Variants in HMMR observed in about 807,000 individuals in gnomAD.
The protein encoded by HMMR is hyaluronan mediated motility receptor.
In HMMR, 108 loss-of-function variants were observed where a neutral mutation model predicts 101.0. The observed-to-expected ratio is 1.07, with a 90% CI of 0.92 to 1.25. HMMR has a LOEUF of 1.25. Among genes scored for constraint, HMMR ranks in the 50% most tolerant of loss-of-function variants. HMMR has a pLI of 0.00. For synonymous variants in HMMR, 296 were observed against 276.4 expected (o/e 1.07, Z -0.70); for missense variants, 813 against 788.7 (o/e 1.03, Z -0.37).
chr5:163,480,812 C>T (rs1337227871), intron 12 of HMMR, among the ~76,000 whole-genome samples: 1 of 151,988 alleles, frequency 6.6e-6, no homozygotes, highest in Non-Finnish European at 1.5e-5. Flanking sequence ...ATCATCTTTT[C>T]CTCATTGATT....
At chr5:163,479,857 C>T (rs1478302942) in intron 12 of HMMR, among the ~76,000 whole-genome samples, 3 of 152,064 alleles carry the variant, frequency 2.0e-5, no homozygotes, top group African/African-American at 7.2e-5. Flanking sequence ...TTCCTCACCT[C>T]CCATGCCTTC....
At chr5:163,470,597 G>A (rs1436309170) in intron 5 of HMMR, among the ~76,000 whole-genome samples, 2 of 152,186 alleles carry the variant, frequency 1.3e-5, no homozygotes, top group African/African-American at 4.8e-5. Flanking sequence ...GGAAGTTGCA[G>A]TGAGCAACAC....
At chr5:163,481,624 C>G (rs1358022652) in intron 12 of HMMR, among the ~76,000 whole-genome samples, 1 of 152,152 alleles carries the variant, frequency 6.6e-6, no homozygotes, top group Non-Finnish European at 1.5e-5. Flanking sequence ...TCAGTGACAT[C>G]ATCTTCCCAG....
In HMMR at chr5:163,475,654, T is replaced by G; in HGVS notation, c.1250T>G (p.Leu417Arg). 1 of 1,601,430 alleles carries G rather than the reference T, an allele frequency of 6.2e-7. No homozygotes were observed. Among genetic ancestry groups the G allele is most frequent in the East Asian group, 2.2e-5 (1 of 44,696 alleles). Residue 417 changes from leucine to arginine, a missense_variant, in exon 11 of 18, where the codon CTA (leucine) becomes CGA (arginine). Physicochemically the swap from Leu to Arg is moderately radical, Grantham distance 102. Coordinates refer to ENST00000393915, the MANE Select transcript of HMMR (RefSeq NM_001142556.2). ...AKSRAEELKL[L>R]EEKLKGKEAE... Reference sequence around the variant, plus strand: ...TCTAGAGCTGAAGAATTAAAACTCCTAGAAGAAAAGCTGAAAGGGTTTGTA... The same window carrying G: ...TCTAGAGCTGAAGAATTAAAACTCCGAGAAGAAAAGCTGAAAGGGTTTGTA...
intron 4 of HMMR, 34 bp downstream of exon 4, chr5:163,467,782 C>G: frequency 2.4e-6 from 3 of 1,253,980 alleles, no homozygotes; most frequent in Non-Finnish European, 3.5e-6. Context: ...GAAAAGTACA[C>G]ATGATAGAAA....
intron 15 of HMMR, 37 bp from the exon 16 acceptor site, chr5:163,484,032 T>C (rs759080227): frequency 7.8e-7 from 1 of 1,287,788 alleles, no homozygotes; most frequent in Non-Finnish European, 1.1e-6. Context: ...GATCAAACTG[T>C]TTTAAGTCTT....
intron 15 of HMMR, among the ~76,000 whole-genome samples, 167 bp downstream of exon 15, chr5:163,483,534 A>G (rs1407916914): frequency 1.3e-5 from 2 of 152,164 alleles, no homozygotes; most frequent in African/African-American, 4.8e-5. Context: ...TAAATTATGC[A>G]TAATTTTTTC....
intron 11 of HMMR, among the ~76,000 whole-genome samples, chr5:163,476,751 T>C (rs1759081032): frequency 6.6e-6 from 1 of 152,194 alleles, no homozygotes; most frequent in African/African-American, 2.4e-5. Context: ...AAATCTTGGC[T>C]GGGTGCGGTG....
intron 1 of HMMR, among the ~76,000 whole-genome samples, chr5:163,461,946 A>G (rs970515634): frequency 1.3e-5 from 2 of 152,176 alleles, no homozygotes; most frequent in African/African-American, 2.4e-5. Context: ...CTAAATATTA[A>G]AGCTCATGAT....
chr5:163,482,621 C>A, intron 12 of HMMR, 21 bp from the exon 13 acceptor site: 1 of 1,563,644 alleles, frequency 6.4e-7, no homozygotes, highest in Non-Finnish European at 8.8e-7. Flanking sequence ...ACTACTTTGA[C>A]TTTTTTTTCT....
At chr5:163,484,433 T>C (rs1019726846) in intron 16 of HMMR, among the ~76,000 whole-genome samples, 188 bp downstream of exon 16, 3 of 152,174 alleles carry the variant, frequency 2.0e-5, no homozygotes, top group Non-Finnish European at 4.4e-5. Context: ...TCTAAAGTTT[T>C]CTAGCTACCT....
chr5:163,479,203 A>G (rs1163355353), intron 12 of HMMR, among the ~76,000 whole-genome samples: 1 of 152,184 alleles, frequency 6.6e-6, no homozygotes, highest in African/African-American at 2.4e-5. Flanking sequence ...CTAAACCTAT[A>G]AAGAGACCCA....
In HMMR at chr5:163,490,470, A is replaced by C. The variant is rs758971682; in HGVS notation, c.2043A>C (p.Leu681=). Residue 681 remains leucine (L), a synonymous_variant, in exon 17 of 18, where the codon CTA becomes CTC. Transcript: ENST00000393915. ...TTCAAGAGGAATTGAATAAAGTTCT[A>C]GGTATCAAACACTTTGATCCTTCAA... ...TKLQEELNKV[L]GIKHFDPSKA... is the part of the protein sequence containing the mutation. The C allele has an allele frequency of 1.2e-6, 2 of 1,602,036 alleles. No homozygotes were observed. Among genetic ancestry groups the C allele is most frequent in the South Asian group, 2.3e-5 (2 of 88,262 alleles).
At chr5:163,463,332 A>G (rs1758599870) in intron 1 of HMMR, among the ~76,000 whole-genome samples, 1 of 152,208 alleles carries the variant, frequency 6.6e-6, no homozygotes, top group Admixed American at 6.5e-5. Context: ...AAAAAATTCT[A>G]GTTGCTCTAG....
At chr5:163,476,088 G>A (rs1759062186) in intron 11 of HMMR, among the ~76,000 whole-genome samples, 1 of 152,034 alleles carries the variant, frequency 6.6e-6, no homozygotes, top group Non-Finnish European at 1.5e-5. Context: ...CAAGGTGAGA[G>A]GACTGCTTGA....
At chr5:163,475,435 G>C (rs1306691149) in intron 10 of HMMR, 23 bp from the exon 11 acceptor site, 1 of 1,392,584 alleles carries the variant, frequency 7.2e-7, no homozygotes, top group Non-Finnish European at 1.0e-6. Context: ...AAATTATTTT[G>C]GTGGTTTTCT....
chr5:163,473,285 T>C (rs1561640245), intron 8 of HMMR, 32 bp downstream of exon 8: 1 of 1,488,528 alleles, frequency 6.7e-7, no homozygotes, highest in Non-Finnish European at 9.3e-7. Context: ...AATTGAACCT[T>C]ATTTTTTTAA....
rs1382210069 is a variant in HMMR at position 163,483,160 on chromosome 5, A to T, written c.1673A>T (p.Asp558Val). ...QEEDFRKQLE[D>V]EEGRKAEKEN... is the part of the protein sequence containing the mutation. ...GAAGACTTTAGAAAACAGCTGGAAG[A>T]TGAAGAAGGAAGGTAATCTATGATT... Residue 558 changes from aspartate (D) to valine (V), a missense_variant, in exon 14 of 18, where the codon GAT becomes GTT. By Grantham distance (152) the Asp-to-Val change is radical. Transcript: ENST00000393915. 6 of 1,610,834 alleles carry T rather than the reference A, an allele frequency of 3.7e-6. No individual in the cohort carries two copies. Among genetic ancestry groups the T allele is most frequent in the Non-Finnish European group, 5.1e-6 (6 of 1,179,098 alleles).
rs762594434 is a variant in HMMR at position 163,473,545 on chromosome 5, G to C, written c.892G>C (p.Glu298Gln). The change falls in exon 9 of 18, where the codon GAA becomes CAA. Residue 298 changes from glutamate to glutamine, a missense_variant. By Grantham distance (29) the Glu-to-Gln change is conservative (BLOSUM62 2). Coordinates refer to ENST00000393915, the MANE Select transcript of HMMR (RefSeq NM_001142556.2). ...TCTAAATGTGAAATGTCAGCTGCTT[G>C]AAAAAGAAAAAGGTATTACAGTGTT... ...EDLNVKCQLL[E>Q]KEKEDHVNRN... 1 of 1,556,680 alleles carries C rather than the reference G, an allele frequency of 6.4e-7. No individual in the cohort carries two copies.
Sources: allele counts gnomAD v4.1 joint callset (sites outside exome capture counted in the v4.1 genomes callset), GRCh38; gene constraint gnomAD v4.1.1; transcripts MANE v1.5; gene names NCBI Gene and HGNC (gene_info 2026-07-23, HGNC 2026-07-21).